The following SEMA5A variants were observed in gnomAD, a reference collection of about 807,000 sequenced individuals.
The protein encoded by SEMA5A is semaphorin-5A.
SEMA5A carries 55 observed loss-of-function variants against 135.5 expected under a neutral mutation model. The observed-to-expected ratio is 0.41, with a 90% CI of 0.33 to 0.51. The LOEUF (loss-of-function observed/expected upper bound fraction) is 0.51, where lower values mean the gene tolerates loss of function less well. Ranked by LOEUF, SEMA5A falls within the 20% of genes least tolerant of loss-of-function variation. The pLI is 0.37. For missense variants in SEMA5A, 1,290 were observed against 1,419.9 expected (o/e 0.91, Z 1.47); for synonymous variants, 580 against 546.5 (o/e 1.06, Z -0.85).
At chr5:9,472,584 TG>T (rs964405150) in intron 1 of SEMA5A, among the ~76,000 whole-genome samples, 1 of 152,098 alleles carries the variant, frequency 6.6e-6, no homozygotes, top group African/African-American at 2.4e-5. Flanking sequence ...GAAGGAGGCT[TG>T]GGGGTTGGGA....
At chr5:9,301,607 C>T (rs10065505) in intron 5 of SEMA5A, among the ~76,000 whole-genome samples, 21,218 of 152,076 alleles carry the variant, frequency 0.14, 1,575 homozygotes, top group South Asian at 0.19. Flanking sequence ...CTGCACTTGA[C>T]GTCACTCTTT....
intron 3 of SEMA5A, among the ~76,000 whole-genome samples, chr5:9,361,317 G>A (rs111529740): frequency 0.043 from 6,345 of 147,298 alleles, 423 homozygotes; most frequent in African/African-American, 0.15. Flanking sequence ...AAAAAAAATT[G>A]CAAACAACAA....
At chr5:9,127,153 G>A (rs113333363) in intron 13 of SEMA5A, among the ~76,000 whole-genome samples, 2,788 of 152,246 alleles carry the variant, frequency 0.018, 44 homozygotes, top group African/African-American at 0.048. Context: ...AAACAGGTTA[G>A]CCTGCGACGT....
At chr5:9,381,942 T>TGTGTGTGTGTGTGTG (rs1755628173) in intron 2 of SEMA5A, among the ~76,000 whole-genome samples, 1 of 109,304 alleles carries the variant, frequency 9.1e-6, no homozygotes, top group African/African-American at 3.6e-5. Flanking sequence ...TAGAATCATT[T>TGTGTGTGTGTGTGTG]TGTGTGTGTG....
chr5:9,329,729 C>A (rs1024250835), intron 4 of SEMA5A, among the ~76,000 whole-genome samples: 1 of 152,070 alleles, frequency 6.6e-6, no homozygotes, highest in East Asian at 1.9e-4. Flanking sequence ...AAATAGGAAG[C>A]CTTTGTACAT....
intron 16 of SEMA5A, among the ~76,000 whole-genome samples, chr5:9,072,332 T>C (rs1737813480): frequency 6.6e-6 from 1 of 152,050 alleles, no homozygotes; most frequent in Admixed American, 6.6e-5. Flanking sequence ...GTTTGGGAGC[T>C]GGAGAATGCC....
intron 15 of SEMA5A, among the ~76,000 whole-genome samples, chr5:9,115,990 A>G (rs1740490294): frequency 6.6e-6 from 1 of 152,228 alleles, no homozygotes; most frequent in Non-Finnish European, 1.5e-5. Flanking sequence ...TCGCTTGGCA[A>G]GAAACTGAGA....
At chr5:9,526,904 C>T (rs1225740526) in intron 1 of SEMA5A, among the ~76,000 whole-genome samples, 1 of 152,200 alleles carries the variant, frequency 6.6e-6, no homozygotes, top group Non-Finnish European at 1.5e-5. Flanking sequence ...GAGTTTTTAA[C>T]TTCTCAAGCT....
At chr5:9,152,967 C>T (rs1017543342) in intron 12 of SEMA5A, among the ~76,000 whole-genome samples, 1 of 151,806 alleles carries the variant, frequency 6.6e-6, no homozygotes. Context: ...ACTCAGGAGG[C>T]TGAGGAAAGA....
intron 11 of SEMA5A, among the ~76,000 whole-genome samples, chr5:9,165,480 G>A (rs1033360853): frequency 4.6e-5 from 7 of 152,118 alleles, no homozygotes; most frequent in African/African-American, 1.7e-4. Flanking sequence ...GAATCCAATA[G>A]AGAAATTAAA....
At chr5:9,068,957 T>G (rs1737625437) in intron 16 of SEMA5A, among the ~76,000 whole-genome samples, 1 of 152,142 alleles carries the variant, frequency 6.6e-6, no homozygotes, top group Admixed American at 6.5e-5. Context: ...CCAAGAGTCC[T>G]CTCTCAGCAG....
At chr5:9,396,293 G>A (rs1756398678) in intron 2 of SEMA5A, among the ~76,000 whole-genome samples, 1 of 140,890 alleles carries the variant, frequency 7.1e-6, no homozygotes, top group Non-Finnish European at 1.6e-5. Context: ...CATCCTAAGA[G>A]CTTAACATTA....
At chr5:9,243,268 C>A (rs545859446) in intron 5 of SEMA5A, among the ~76,000 whole-genome samples, 1 of 152,134 alleles carries the variant, frequency 6.6e-6, no homozygotes, top group Admixed American at 6.5e-5. Flanking sequence ...ACCTGTGGTA[C>A]GACTTGGCTT....
rs901749085 is a variant in SEMA5A, at chr5:9,379,996, T to C, written c.-50A>G. On this transcript the variant is annotated 5_prime_UTR_variant, in exon 3 of 23. Transcript: ENST00000382496. ...GGGCACGTGTCTTCTAAACAGAAGCTCTTCTTCTCCTCATGTGTGGAAAGT... is the reference window on the plus strand; with the variant it reads ...GGGCACGTGTCTTCTAAACAGAAGCCCTTCTTCTCCTCATGTGTGGAAAGT... The C allele has an allele frequency of 6.4e-7, 1 of 1,562,324 alleles. No individual in the cohort carries two copies. The highest frequency in any genetic ancestry group is 8.7e-7 in the Non-Finnish European group (1 of 1,152,474).
At chr5:9,506,484 C>T (rs1735885957) in intron 1 of SEMA5A, among the ~76,000 whole-genome samples, 1 of 152,178 alleles carries the variant, frequency 6.6e-6, no homozygotes, top group Non-Finnish European at 1.5e-5. Context: ...AGACTGCCGA[C>T]AAGAGATCCC....
intron 1 of SEMA5A, among the ~76,000 whole-genome samples, chr5:9,528,044 C>T (rs906722643): frequency 6.6e-6 from 1 of 152,062 alleles, no homozygotes; most frequent in Non-Finnish European, 1.5e-5. Context: ...CTTATGTGTC[C>T]ATGTGTCAGT....
chr5:9,411,439 A>C (rs117851601), intron 2 of SEMA5A, among the ~76,000 whole-genome samples: 1 of 152,174 alleles, frequency 6.6e-6, no homozygotes, highest in African/African-American at 2.4e-5. Context: ...GTGTGTTGTT[A>C]GTTGCGCACC....
At chr5:9,190,705 G>C (rs1225584690) in intron 10 of SEMA5A, among the ~76,000 whole-genome samples, 1 of 152,024 alleles carries the variant, frequency 6.6e-6, no homozygotes, top group East Asian at 1.9e-4. Context: ...TAAATGAACT[G>C]ATCAGAAGTT....
At chr5:9,289,717 G>A (rs975858346) in intron 5 of SEMA5A, among the ~76,000 whole-genome samples, 1 of 151,332 alleles carries the variant, frequency 6.6e-6, no homozygotes, top group African/African-American at 2.4e-5. Context: ...AATAAATTTT[G>A]ATATACTACT....
Sources: allele counts gnomAD v4.1 joint callset (sites outside exome capture counted in the v4.1 genomes callset), GRCh38; gene constraint gnomAD v4.1.1; transcripts MANE v1.5; gene names NCBI Gene and HGNC (gene_info 2026-07-23, HGNC 2026-07-21).